ERC2: variants seen among roughly 807,000 people sequenced by gnomAD.
ERC2 encodes the protein ELKS/RAB6-interacting/CAST family member 2, also known as ERC protein 2.
Under a neutral mutation model 114.8 loss-of-function variants are expected in ERC2, and 42 were observed. The ratio of observed to expected loss-of-function variants is 0.37; its 90% CI spans 0.29 to 0.47. The LOEUF is 0.47. Among genes scored for constraint, ERC2 ranks in the 20% least tolerant of loss-of-function variants. The pLI is 0.99. For missense variants in ERC2, 939 were observed against 1,150.7 expected, an observed-to-expected ratio of 0.82 and a Z score of 2.66; for synonymous variants, 454 against 425.5, an observed-to-expected ratio of 1.07 and a Z score of -0.82.
At chr3:55,827,486 A>G (rs1036270461) in intron 14 of ERC2, among the ~76,000 whole-genome samples, 1 of 152,106 alleles carries the variant, frequency 6.6e-6, no homozygotes, top group African/African-American at 2.4e-5. Context: ...TGATAGTCAC[A>G]TGGTCATAAT....
chr3:56,297,862 G>A (rs112230900), intron 2 of ERC2, among the ~76,000 whole-genome samples: 1,841 of 152,248 alleles, frequency 0.012, 32 homozygotes, highest in African/African-American at 0.04. Flanking sequence ...ATCTTTCTGA[G>A]TGTGGCCTAC....
Position 56,010,544 on chromosome 3 carries a change from G to T in ERC2, c.1825C>A (p.Arg609=). 1 of 1,613,376 alleles carries T rather than the reference G, an allele frequency of 6.2e-7. No homozygotes were observed. The highest frequency in any genetic ancestry group is 1.1e-5 in the South Asian group (1 of 91,038). ...RLKEQRERDD[R]ERLEEIESFR... The stretch of plus-strand genomic sequence containing the variant: ...GATTCTATCTCTTCTAGTCTTTCCC[G>T]ATCATCTCTTTCTCGCTGTTCTTTC... Residue 609 remains arginine (R), a synonymous_variant, in exon 9 of 18, where the codon CGG becomes AGG. Coordinates refer to ENST00000288221, the MANE Select transcript of ERC2 (RefSeq NM_015576.3).
chr3:56,327,983 C>T (rs757050582), intron 2 of ERC2, among the ~76,000 whole-genome samples: 1 of 152,162 alleles, frequency 6.6e-6, no homozygotes, highest in Non-Finnish European at 1.5e-5. Context: ...AAGCTGTGAC[C>T]ATACAAAGTG....
intron 14 of ERC2, among the ~76,000 whole-genome samples, chr3:55,750,639 CTGAT>C (rs532810677): frequency 1.2e-3 from 179 of 152,218 alleles, no homozygotes; most frequent in Non-Finnish European, 2.3e-3. Context: ...GGGTAAGTGT[CTGAT>C]TGAGAGTTGA....
intron 14 of ERC2, among the ~76,000 whole-genome samples, chr3:55,758,436 C>G (rs1221159267): frequency 1.3e-5 from 2 of 152,208 alleles, no homozygotes; most frequent in Non-Finnish European, 2.9e-5. Flanking sequence ...TCATCCTTCT[C>G]AGAACCACTT....
At chr3:55,642,428 G>C (rs987930116) in intron 17 of ERC2, among the ~76,000 whole-genome samples, 1 of 151,620 alleles carries the variant, frequency 6.6e-6, no homozygotes, top group South Asian at 2.1e-4. Context: ...TCTGCCCCTG[G>C]GGTTCAAGCA....
At chr3:56,250,778 T>G (rs2052093178) in intron 3 of ERC2, among the ~76,000 whole-genome samples, 1 of 152,230 alleles carries the variant, frequency 6.6e-6, no homozygotes, top group Non-Finnish European at 1.5e-5. Flanking sequence ...GCCTTCATTT[T>G]CTAAAACTCC....
At chr3:56,225,283 G>A (rs1560413807) in intron 3 of ERC2, among the ~76,000 whole-genome samples, 1 of 152,114 alleles carries the variant, frequency 6.6e-6, no homozygotes, top group Non-Finnish European at 1.5e-5. Flanking sequence ...ACATCTCAAA[G>A]CTGGCCTGGC....
intron 4 of ERC2, among the ~76,000 whole-genome samples, chr3:56,157,077 A>T (rs1156478854): frequency 6.6e-6 from 1 of 152,216 alleles, no homozygotes; most frequent in Non-Finnish European, 1.5e-5. Context: ...GAAGACTTAC[A>T]GATGGTAAAT....
intron 13 of ERC2, among the ~76,000 whole-genome samples, chr3:55,928,200 G>C (rs908126731): frequency 6.6e-6 from 1 of 152,100 alleles, no homozygotes; most frequent in African/African-American, 2.4e-5. Flanking sequence ...CTCCATAGTG[G>C]TTGTACATAG....
intron 7 of ERC2, among the ~76,000 whole-genome samples, chr3:56,029,287 T>C (rs1576620528): frequency 6.6e-6 from 1 of 152,116 alleles, no homozygotes; most frequent in Non-Finnish European, 1.5e-5. Flanking sequence ...TTATTCTTTT[T>C]GTTTTTTAAT....
chr3:56,395,410 C>T (rs1407321670), intron 2 of ERC2, among the ~76,000 whole-genome samples: 2 of 152,054 alleles, frequency 1.3e-5, no homozygotes, highest in Admixed American at 6.6e-5. Flanking sequence ...ATTTGGTCTT[C>T]GATTGTAATG....
At chr3:55,983,330 T>C (rs2070311576) in intron 12 of ERC2, among the ~76,000 whole-genome samples, 2 of 152,226 alleles carry the variant, frequency 1.3e-5, no homozygotes, top group Admixed American at 1.3e-4. Flanking sequence ...ATAAGTCACA[T>C]GCTAATCTCA....
chr3:55,579,595 A>T (rs1485675045), intron 17 of ERC2, among the ~76,000 whole-genome samples: 4 of 152,270 alleles, frequency 2.6e-5, no homozygotes, highest in Admixed American at 2.6e-4. Flanking sequence ...AAGGATAAGA[A>T]CTACCTGTCA....
chr3:56,342,690 G>A (rs2058135901), intron 2 of ERC2, among the ~76,000 whole-genome samples: 1 of 152,178 alleles, frequency 6.6e-6, no homozygotes, highest in Non-Finnish European at 1.5e-5. Context: ...GTGTGTGTCA[G>A]GCACTGCCGA....
intron 14 of ERC2, among the ~76,000 whole-genome samples, chr3:55,815,592 C>T (rs907318825): frequency 1.6e-4 from 25 of 152,146 alleles, no homozygotes; most frequent in African/African-American, 4.8e-4. Context: ...GCTGCTTAAC[C>T]GAATTTCAAC....
At chr3:56,289,381 C>T (rs959262469) in intron 3 of ERC2, among the ~76,000 whole-genome samples, 1 of 152,166 alleles carries the variant, frequency 6.6e-6, no homozygotes, top group Admixed American at 6.5e-5. Flanking sequence ...TCTCTCCCTG[C>T]TTTTGTTCTC....
At chr3:56,085,753 C>A (rs1220477576) in intron 6 of ERC2, among the ~76,000 whole-genome samples, 1 of 152,140 alleles carries the variant, frequency 6.6e-6, no homozygotes, top group African/African-American at 2.4e-5. Context: ...ATTGGCAGAA[C>A]ATGCTGAACA....
intron 3 of ERC2, among the ~76,000 whole-genome samples, chr3:56,243,098 T>C (rs1341486642): frequency 6.6e-6 from 1 of 152,190 alleles, no homozygotes; most frequent in East Asian, 1.9e-4. Context: ...TATACCCTGA[T>C]TAAGTTCACT....
Sources: gnomAD v4.1 joint callset for allele counts (sites outside exome capture counted in the v4.1 genomes callset) on GRCh38, gnomAD v4.1.1 for gene constraint, MANE v1.5 for transcripts, NCBI Gene and HGNC (gene_info 2026-07-23, HGNC 2026-07-21) for gene names.